The following ACTN3 variants were observed in gnomAD, a reference collection of about 807,000 sequenced individuals.
ACTN3 encodes actinin alpha 3.
ACTN3 carries 91 observed loss-of-function variants against 119.6 expected under a neutral mutation model. That is an observed-to-expected ratio of 0.76 (90% CI 0.64 to 0.91). ACTN3 has a LOEUF of 0.91. Ranked by LOEUF, ACTN3 falls within the 40% of genes least tolerant of loss-of-function variation. ACTN3 has a pLI of 0.00. For synonymous variants in ACTN3, 456 were observed against 478.8 expected, an observed-to-expected ratio of 0.95 and a Z score of 0.62; for missense variants, 1,221 against 1,215.1, an observed-to-expected ratio of 1.00 and a Z score of -0.07.
chr11:66,552,725 C>T (rs1168993657), intron 3 of ACTN3, among the ~76,000 whole-genome samples: 12 of 151,892 alleles, frequency 7.9e-5, no homozygotes, highest in Non-Finnish European at 2.9e-5. Context: ...GGCATGGTGG[C>T]GCACGCCTGT....
At position 66,547,905 on chromosome 11, in the gene ACTN3, T is replaced by G. The variant is rs114184303; in HGVS notation, c.147+821T>G. On this transcript the variant is annotated intron_variant, in intron 1 of 20. Transcript: ENST00000513398. ...TCAGGGCCCCTCCCTCCCTGAGCTATTTTCACTCCCAGACTTTCCCAAGTA... is the reference window on the plus strand; with the variant it reads ...TCAGGGCCCCTCCCTCCCTGAGCTAGTTTCACTCCCAGACTTTCCCAAGTA... Among the ~76,000 whole-genome samples the G allele has an allele frequency of 9.6e-3, 1,456 of 152,098 alleles. 25 individuals carry two copies. The highest frequency in any genetic ancestry group is 0.033 in the African/African-American group (1,387 of 41,490).
chr11:66,550,504 CAACA>C (rs1857447644), intron 1 of ACTN3, among the ~76,000 whole-genome samples: 3 of 152,118 alleles, frequency 2.0e-5, no homozygotes, highest in Admixed American at 2.0e-4. Flanking sequence ...CCTGTAATCC[CAACA>C]CTTTGGGAAG....
Position 66,554,120 on chromosome 11 carries a change from T to A in ACTN3, c.458T>A (p.Ile153Asn), listed in dbSNP as rs988327948. ...TIILRFAIQD[I>N]SVEETSAKEG... ...ATCCTTCGCTTCGCCATCCAGGACA[T>A]CTCTGTGGAAGGTGAGCAATGGGAA... The change falls in exon 4 of 21, where the codon ATC (isoleucine) becomes AAC (asparagine). Residue 153 changes from isoleucine (I) to asparagine (N), a missense_variant. Physicochemically the swap from Ile to Asn is moderately radical, Grantham distance 149. Around this residue, in one of 3 missense-constraint regions of ACTN3, gnomAD observed 239 missense variants for 231.8 expected, o/e 1.03. Transcript: ENST00000513398. The A allele has an allele frequency of 6.2e-7, 1 of 1,613,586 alleles. No individual in the cohort carries two copies. Among genetic ancestry groups the A allele is most frequent in the Non-Finnish European group, 8.5e-7 (1 of 1,179,842 alleles).
chr11:66,558,243 G>A, intron 11 of ACTN3, 69 bp downstream of exon 11: 1 of 1,583,100 alleles, frequency 6.3e-7, no homozygotes, highest in Non-Finnish European at 8.6e-7. Flanking sequence ...GGGCAGGAGG[G>A]GAGGTTCTTG....
chr11:66,547,644 C>T (rs1164280969), intron 1 of ACTN3, among the ~76,000 whole-genome samples: 4 of 152,136 alleles, frequency 2.6e-5, no homozygotes, highest in East Asian at 1.9e-4. Context: ...TCAGGACCCC[C>T]GCAACCTGAG....
In ACTN3 at chr11:66,560,311, G is replaced by T; in HGVS notation, c.1677G>T (p.Gln559His). The T allele has an allele frequency of 6.2e-7, 1 of 1,612,088 alleles. No individual in the cohort carries two copies. The highest frequency in any genetic ancestry group is 8.5e-7 in the Non-Finnish European group (1 of 1,179,014). ...VWLVHSVEET[Q>H]SLLTAHDQFK... is the part of the protein sequence containing the mutation. Reference sequence around the variant, plus strand: ...TGGTACACTCTGTGGAGGAGACCCAGGTGGGTGCCAGGGTTGCAGGGGATG... The same window carrying T: ...TGGTACACTCTGTGGAGGAGACCCATGTGGGTGCCAGGGTTGCAGGGGATG... The change falls in exon 14 of 21, where the codon CAG (glutamine) becomes CAT (histidine). Residue 559 changes from glutamine to histidine, a missense_variant and splice_region_variant. By Grantham distance (24) the Gln-to-His change is conservative. Around this residue, in one of 3 missense-constraint regions of ACTN3, gnomAD observed 934 missense variants for 899.9 expected, o/e 1.04. Coordinates refer to ENST00000513398, the MANE Select transcript of ACTN3 (RefSeq NM_001104.4).
At position 66,560,095 on chromosome 11, in the gene ACTN3, G is replaced by GA. The variant is rs773038531; in HGVS notation, c.1536+20dup. 1.2e-5 allele frequency: 18 copies of GA among 1,542,186 alleles called. No individual in the cohort carries two copies. Among genetic ancestry groups the GA allele is most frequent in the Non-Finnish European group, 1.6e-5 (18 of 1,141,540 alleles). On this transcript the variant is annotated intron_variant, in intron 13 of 20. Coordinates refer to ENST00000513398, the MANE Select transcript of ACTN3 (RefSeq NM_001104.4). ...GCTAGAGGTGGGGCTGGGGGCCGGG[G>GA]AGCTGGGGGGTGGGTAGGTGGGTGA...
intron 1 of ACTN3, among the ~76,000 whole-genome samples, chr11:66,548,218 G>T (rs1185779126): frequency 6.6e-6 from 1 of 152,092 alleles, no homozygotes; most frequent in Non-Finnish European, 1.5e-5. Flanking sequence ...CGGCTGGGGT[G>T]CCCCGGGTGA....
intron 8 of ACTN3, among the ~76,000 whole-genome samples, chr11:66,556,553 C>T (rs1857594718): frequency 6.6e-6 from 1 of 152,170 alleles, no homozygotes. Flanking sequence ...CCTCCTGCCT[C>T]AGCCTCCCCA....
At chr11:66,550,188 G>A (rs1023692596) in intron 1 of ACTN3, among the ~76,000 whole-genome samples, 3 of 152,212 alleles carry the variant, frequency 2.0e-5, no homozygotes, top group Admixed American at 2.0e-4. Flanking sequence ...ACACAAATGG[G>A]AAGACCAAGC....
At position 66,562,132 on chromosome 11, in the gene ACTN3, C is replaced by A. The variant is rs962386011; in HGVS notation, c.2286C>A (p.Leu762=). 1 of 1,614,052 alleles carries A rather than the reference C, an allele frequency of 6.2e-7. No homozygotes were observed. Among genetic ancestry groups the A allele is most frequent in the South Asian group, 1.1e-5 (1 of 91,078 alleles). Residue 762 remains leucine (L), a synonymous_variant, in exon 18 of 21, where the codon CTC becomes CTA. Transcript: ENST00000513398. ...RDAKGLSQEQ[L]NEFRASFNHF... is the part of the protein sequence containing the mutation. Reference sequence around the variant, plus strand: ...CCAAGGGACTGAGCCAGGAGCAGCTCAACGAGTTCCGAGCATCCTTCAACC... The same window carrying A: ...CCAAGGGACTGAGCCAGGAGCAGCTAAACGAGTTCCGAGCATCCTTCAACC...
chr11:66,547,304 C>T (rs984866036), intron 1 of ACTN3, among the ~76,000 whole-genome samples: 1 of 152,158 alleles, frequency 6.6e-6, no homozygotes, highest in Non-Finnish European at 1.5e-5. Context: ...TTTCTGGGCT[C>T]CCCACCCCCA....
In ACTN3 at chr11:66,557,214, C is replaced by T. The variant is rs1362967914; in HGVS notation, c.886C>T (p.Leu296Phe). The change falls in exon 9 of 21, where the codon CTT (leucine) becomes TTT (phenylalanine). Residue 296 changes from leucine to phenylalanine, a missense_variant. Transcript: ENST00000513398. ...GAAGCTGATGGAGGAGTATGAGAAG[C>T]TTGCCAGTGAGGTGAGGCTGGGCTC... ...NEKLMEEYEK[L>F]ASELLEWIRR... The T allele has an allele frequency of 6.4e-7, 1 of 1,553,064 alleles. No homozygotes were observed. The highest frequency in any genetic ancestry group is 2.0e-5 in the Admixed American group (1 of 51,062).
chr11:66,555,236 G>A (rs765943826), intron 6 of ACTN3, 28 bp downstream of exon 6: 2 of 1,613,756 alleles, frequency 1.2e-6, no homozygotes, highest in African/African-American at 1.3e-5. Context: ...CCCAGCCCAA[G>A]GCCTCTGCCT....
intron 1 of ACTN3, among the ~76,000 whole-genome samples, chr11:66,550,796 A>C (rs1210262622): frequency 1.3e-5 from 2 of 152,196 alleles, no homozygotes; most frequent in African/African-American, 4.8e-5. Context: ...ACAGAAACAC[A>C]GAGACAGTCC....
intron 15 of ACTN3, 152 bp from the exon 16 acceptor site, chr11:66,561,074 TG>T: frequency 1.6e-6 from 1 of 619,986 alleles, no homozygotes; most frequent in Non-Finnish European, 2.0e-6. Context: ...GAAGCCCACA[TG>T]GGTTAGTGAC....
Position 66,551,207 on chromosome 11 carries a change from C to T in ACTN3, c.148-32C>T, listed in dbSNP as rs778058555. ...GTGCCCTACATCCCCCAGAGCCAGT[C>T]GTAGGGTTTGAGTGCTGTCCTCTGC... On this transcript the variant is annotated intron_variant, in intron 1 of 20. Transcript: ENST00000513398. 9.4e-6 allele frequency: 14 copies of T among 1,495,444 alleles called. 1 individual carries two copies. The highest frequency in any genetic ancestry group is 4.7e-5 in the South Asian group (4 of 84,786). The allele number at this position is 1,495,444 out of a possible 1,614,324, so 92.6% of individuals were successfully genotyped here.
At chr11:66,559,025 G>A (rs1857668832) in intron 11 of ACTN3, 2 of 426,484 alleles carry the variant, frequency 4.7e-6, no homozygotes, top group South Asian at 2.2e-4. Flanking sequence ...GACGTAGCTC[G>A]CTCAGGGGAC....
chr11:66,561,412 G>C, intron 16 of ACTN3, 46 bp from the exon 17 acceptor site: 1 of 1,605,540 alleles, frequency 6.2e-7, no homozygotes, highest in Non-Finnish European at 8.5e-7. Flanking sequence ...CCAGGGCTGG[G>C]CCACAGGGAG....
Sources: gnomAD v4.1 joint callset for allele counts (sites outside exome capture counted in the v4.1 genomes callset) on GRCh38, gnomAD v4.1.1 for gene constraint, gnomAD v4.1.1 regional missense constraint, MANE v1.5 for transcripts, NCBI Gene and HGNC (gene_info 2026-07-23, HGNC 2026-07-21) for gene names.